BDNF: variants seen among roughly 807,000 people sequenced by gnomAD.
BDNF encodes the protein brain derived neurotrophic factor, also known as neurotrophic factor BDNF precursor form.
BDNF carries 1 observed loss-of-function variant against 19.5 expected under a neutral mutation model. The observed-to-expected ratio is 0.05, with a 90% CI of 0.02 to 0.24. The LOEUF (loss-of-function observed/expected upper bound fraction) is 0.24, where lower values mean the gene tolerates loss of function less well. BDNF is among the 10% of genes least tolerant of loss of function. The probability of loss-of-function intolerance (pLI) is 1.00; values close to 1 mark genes in which losing one functional copy is unlikely to be tolerated. For synonymous variants in BDNF, 100 were observed against 121.6 expected, an observed-to-expected ratio of 0.82 and a Z score of 1.17; for missense variants, 195 against 317.6, an observed-to-expected ratio of 0.61 and a Z score of 2.93.
At chr11:27,684,618 G>T (rs1857250921) in intron 1 of BDNF, among the ~76,000 whole-genome samples, 1 of 152,134 alleles carries the variant, frequency 6.6e-6, no homozygotes, top group South Asian at 2.1e-4. Flanking sequence ...AAGGGCTGTT[G>T]AATTTTATGA....
intron 1 of BDNF, among the ~76,000 whole-genome samples, chr11:27,696,129 A>T (rs969447394): frequency 3.3e-5 from 5 of 152,176 alleles, no homozygotes; most frequent in Admixed American, 1.3e-4. Context: ...AAATCTTTAC[A>T]GTGTAAATAT....
chr11:27,665,356 A>T (rs1308921530), intron 1 of BDNF: 1 of 152,520 alleles, frequency 6.6e-6, no homozygotes, highest in African/African-American at 2.4e-5. Flanking sequence ...AGCGTGAGTG[A>T]TGCAGAAGAC....
intron 1 of BDNF, among the ~76,000 whole-genome samples, chr11:27,693,956 C>A (rs1367688581): frequency 6.6e-6 from 1 of 152,098 alleles, no homozygotes; most frequent in Non-Finnish European, 1.5e-5. Context: ...CACACACACG[C>A]ACCTTTATTT....
chr11:27,673,745 C>A (rs1490851248), intron 1 of BDNF, among the ~76,000 whole-genome samples: 2 of 152,158 alleles, frequency 1.3e-5, no homozygotes, highest in African/African-American at 4.8e-5. Flanking sequence ...GAAAGAGTAT[C>A]TGTACATAAT....
At chr11:27,659,035 C>T (rs1852964751) in intron 1 of BDNF, 1 of 1,070,134 alleles carries the variant, frequency 9.3e-7, no homozygotes, top group Non-Finnish European at 1.1e-6. Flanking sequence ...GAATGTGTGA[C>T]AGGAACAGCA....
At chr11:27,677,223 C>T (rs932644794) in intron 1 of BDNF, 3 of 152,206 alleles carry the variant, frequency 2.0e-5, no homozygotes, top group Non-Finnish European at 4.4e-5. Context: ...TCTTCTCATA[C>T]ACTAAAGGTG....
intron 1 of BDNF, among the ~76,000 whole-genome samples, chr11:27,720,034 A>G (rs1485922540): frequency 2.6e-5 from 4 of 152,068 alleles, no homozygotes; most frequent in African/African-American, 9.7e-5. Context: ...CACACACACC[A>G]GCAAAGAGAA....
At chr11:27,698,021 ATACT>A (rs1353862411) in intron 1 of BDNF, 2 of 152,084 alleles carry the variant, frequency 1.3e-5, no homozygotes, top group Admixed American at 6.6e-5. Flanking sequence ...TAGTGTCATA[ATACT>A]TACTACTGGT....
intron 1 of BDNF, chr11:27,699,274 G>C: frequency 1.3e-6 from 2 of 1,488,582 alleles, no homozygotes; most frequent in Non-Finnish European, 1.9e-6. Flanking sequence ...GCAGCCCCGA[G>C]GCTTCTTCCT....
At chr11:27,689,511 C>T (rs917572011) in intron 1 of BDNF, among the ~76,000 whole-genome samples, 8 of 152,090 alleles carry the variant, frequency 5.3e-5, no homozygotes, top group African/African-American at 1.7e-4. Context: ...ACGTAGGAAT[C>T]GTAGTAACAA....
At position 27,718,360 on chromosome 11, in the gene BDNF, C is replaced by A. The variant is rs967423746; in HGVS notation, c.3+3052G>T. On this transcript the variant is annotated intron_variant, in intron 1 of 1. Transcript: ENST00000314915. ...ATTCCCCGTTCCGCACACCACCCCC[C>A]CCCGCCCCTCCCGGGATTTTGCAAT... Among the ~76,000 whole-genome samples, 6 of 144,110 alleles carry A rather than the reference C, an allele frequency of 4.2e-5. 1 individual carries two copies. Among genetic ancestry groups the A allele is most frequent in the African/African-American group, 7.5e-5 (3 of 40,236 alleles). 94.5% of individuals were successfully genotyped at this position (144,110 alleles called of 152,430 possible).
intron 1 of BDNF, among the ~76,000 whole-genome samples, chr11:27,692,302 T>G (rs150278264): frequency 5.3e-5 from 8 of 152,332 alleles, no homozygotes; most frequent in Middle Eastern, 3.4e-3. Context: ...TAGTGTCATT[T>G]CTAAAAGGGT....
chr11:27,718,354 A>ACCTC (rs1554950387), intron 1 of BDNF, among the ~76,000 whole-genome samples: 5 of 101,112 alleles, frequency 4.9e-5, no homozygotes, highest in South Asian at 4.2e-4. Context: ...TCCGCACACC[A>ACCTC]CCCCCCCCCG....
At chr11:27,672,974 A>C (rs1855596206) in intron 1 of BDNF, among the ~76,000 whole-genome samples, 1 of 152,132 alleles carries the variant, frequency 6.6e-6, no homozygotes, top group South Asian at 2.1e-4. Flanking sequence ...TCCAAATGCA[A>C]ATGACTCACA....
At chr11:27,701,006 C>G, upstream of BDNF, 1 of 1,361,754 alleles carries the variant, frequency 7.3e-7, no homozygotes, top group African/African-American at 1.5e-5. Context: ...AGCTTGCGAA[C>G]GCGAGCACAC....
At chr11:27,672,369 T>C (rs1245725798) in intron 1 of BDNF, among the ~76,000 whole-genome samples, 2 of 152,196 alleles carry the variant, frequency 1.3e-5, no homozygotes, top group Non-Finnish European at 2.9e-5. Context: ...TATGACCAAC[T>C]ATGGCAGGTA....
At chr11:27,706,378 CT>C (rs1051128498) in intron 1 of BDNF, among the ~76,000 whole-genome samples, 3 of 152,188 alleles carry the variant, frequency 2.0e-5, no homozygotes, top group Non-Finnish European at 2.9e-5. Flanking sequence ...ACACATCCTT[CT>C]TTTGGGGAGC....
intron 1 of BDNF, among the ~76,000 whole-genome samples, chr11:27,678,346 G>C (rs964678807): frequency 5.3e-5 from 8 of 152,152 alleles, no homozygotes; most frequent in African/African-American, 1.9e-4. Context: ...AGGGGAAAAG[G>C]ACCCAGTCTC....
chr11:27,664,694 G>A (rs1463600523), intron 1 of BDNF, among the ~76,000 whole-genome samples: 8 of 152,126 alleles, frequency 5.3e-5, no homozygotes, highest in Non-Finnish European at 8.8e-5. Context: ...GAGGTGGGAG[G>A]ATTACTTGAG....
Sources: allele counts gnomAD v4.1 joint callset (sites outside exome capture counted in the v4.1 genomes callset), GRCh38; gene constraint gnomAD v4.1.1; transcripts MANE v1.5; gene names NCBI Gene and HGNC (gene_info 2026-07-23, HGNC 2026-07-21).